YJU2B: variants seen among roughly 807,000 people sequenced by gnomAD.
YJU2B encodes the protein YJU2 splicing factor homolog B, also known as probable splicing factor YJU2B.
A neutral mutation model predicts 38.0 loss-of-function variants in YJU2B; 18 were observed. The ratio of observed to expected loss-of-function variants is 0.47; its 90% confidence interval spans 0.33 to 0.70. The LOEUF is 0.70. Among genes scored for constraint, YJU2B ranks in the 30% least tolerant of loss-of-function variants. YJU2B has a pLI of 0.02. For missense variants in YJU2B, 538 were observed against 556.3 expected, an observed-to-expected ratio of 0.97 and a Z score of 0.33; for synonymous variants, 246 against 225.4, an observed-to-expected ratio of 1.09 and a Z score of -0.82.
chr19:13,742,438 C>T (rs1457565914), intron 2 of YJU2B, among the ~76,000 whole-genome samples: 1 of 151,946 alleles, frequency 6.6e-6, no homozygotes, highest in Non-Finnish European at 1.5e-5. Flanking sequence ...AAGTAGCTGG[C>T]ATTACAAGTC....
At chr19:13,756,354 C>T in intron 4 of YJU2B, 75 bp downstream of exon 4, 3 of 1,183,022 alleles carry the variant, frequency 2.5e-6, no homozygotes, top group African/African-American at 1.5e-5. Context: ...TCAGTGCCCT[C>T]ATTGGCCCAG....
chr19:13,756,888 A>G (rs444870), intron 4 of YJU2B, among the ~76,000 whole-genome samples: 50,015 of 150,904 alleles, frequency 0.33, 8,496 homozygotes, highest in East Asian at 0.48. Context: ...GAGGCAGGAG[A>G]ATCACTTGAA....
intron 1 of YJU2B, among the ~76,000 whole-genome samples, chr19:13,750,254 G>A (rs975415480): frequency 6.6e-5 from 10 of 152,134 alleles, no homozygotes; most frequent in African/African-American, 2.4e-4. Flanking sequence ...TTGAGACGGA[G>A]TCTCACTTTG....
Position 13,762,316 on chromosome 19 carries a change from C to G in YJU2B, c.591C>G (p.Ile197Met). ...RRRFREKKKAIQEEEERDQAL... is the reference protein window; with the variant it reads ...RRRFREKKKAMQEEEERDQAL... ...CAACACAGGAAAAGAAAAAAGCCAT[C>G]CAGGAGGAGGAGGAGAGAGACCAGG... The change falls in exon 9 of 10, where the codon ATC becomes ATG. Residue 197 changes from isoleucine (I) to methionine (M), a missense_variant. Ile to Met is a conservative substitution (Grantham distance 10). Around this residue, in one of 2 missense-constraint regions of YJU2B, gnomAD observed 488 missense variants for 469.5 expected, o/e 1.04. Coordinates refer to ENST00000221554, the MANE Select transcript of YJU2B (RefSeq NM_030818.4). 1 of 1,613,638 alleles carries G rather than the reference C, an allele frequency of 6.2e-7. No homozygotes were observed. Among genetic ancestry groups the G allele is most frequent in the Non-Finnish European group, 8.5e-7 (1 of 1,179,972 alleles).
chr19:13,762,988 G>A lies in YJU2B; in HGVS notation c.1111G>A (p.Ala371Thr), dbSNP rs1289434622. 1.2e-6 allele frequency: 2 copies of A among 1,609,394 alleles called. No individual in the cohort carries two copies. The highest frequency in any genetic ancestry group is 1.1e-5 in the South Asian group (1 of 90,798). The change falls in exon 10 of 10, where the codon GCT becomes ACT. Residue 371 changes from alanine to threonine, a missense_variant. Physicochemically the swap from Ala to Thr is moderately conservative, Grantham distance 58 (BLOSUM62 0). This residue lies in a region of YJU2B where 488 missense variants were observed against 469.5 expected (regional missense o/e 1.04). Transcript: ENST00000221554. Reference sequence around the variant, plus strand: ...GCCAGCAGGCTCCTCCCAGGAGGCAGCTGACACCCCCGACACGCGGCACCC... The same window carrying A: ...GCCAGCAGGCTCCTCCCAGGAGGCAACTGACACCCCCGACACGCGGCACCC... ...LSPAGSSQEA[A>T]DTPDTRHPCS...
chr19:13,743,488 G>A (rs540488036), upstream of YJU2B, among the ~76,000 whole-genome samples: 3 of 150,592 alleles, frequency 2.0e-5, no homozygotes, highest in African/African-American at 4.9e-5. Flanking sequence ...GCTGAGGCAG[G>A]AGAATCGCTT....
At chr19:13,751,155 C>T (rs531565590) in intron 1 of YJU2B, among the ~76,000 whole-genome samples, 1 of 152,218 alleles carries the variant, frequency 6.6e-6, no homozygotes, top group African/African-American at 2.4e-5. Context: ...TGGTGGCTCA[C>T]ACCTGTAATG....
rs60385996 is a variant in YJU2B, at chr19:13,736,254, CTTTTT to C, written c.-202+3987_-202+3991del. On this transcript the variant is annotated intron_variant, in intron 2 of 10. Coordinates refer to the YJU2B transcript ENST00000586600. ...AGCATCCACCTGCTTTTCTTTCTTT[CTTTTT>C]TTTTTTTTTTTTTTTTTGTGACGGA... is the stretch of plus-strand genomic sequence containing the variant. Among the ~76,000 whole-genome samples, 377 of 104,236 alleles carry C rather than the reference CTTTTT, an allele frequency of 3.6e-3. 1 individual carries two copies. The highest frequency in any genetic ancestry group is 0.011 in the African/African-American group (271 of 25,602). 68.4% of individuals were successfully genotyped at this position (104,236 alleles called of 152,430 possible). A position where few individuals can be genotyped will look rare whatever the true frequency, so the allele number is the denominator to read the frequency against.
intron 2 of YJU2B, among the ~76,000 whole-genome samples, chr19:13,742,328 G>A (rs993628285): frequency 2.1e-4 from 25 of 119,668 alleles, no homozygotes; most frequent in African/African-American, 7.2e-4. Flanking sequence ...TTTTTGAGAC[G>A]GAGTCTCACT....
intron 3 of YJU2B, among the ~76,000 whole-genome samples, chr19:13,754,617 A>G (rs998174525): frequency 2.0e-5 from 3 of 152,142 alleles, no homozygotes; most frequent in Middle Eastern, 3.4e-3. Context: ...GTCAGATCCC[A>G]TGGCTTCCCC....
chr19:13,762,708 G>T lies in YJU2B; in HGVS notation c.831G>T (p.Gln277His), dbSNP rs775337264. 6.2e-7 allele frequency: 1 copy of T among 1,606,386 alleles called. No individual in the cohort carries two copies. Among genetic ancestry groups the T allele is most frequent in the Non-Finnish European group, 8.5e-7 (1 of 1,179,556 alleles). Reference protein sequence around the residue: ...KVSGVLKKLAQSRRTALATSP... With the variant: ...KVSGVLKKLAHSRRTALATSP... The stretch of plus-strand genomic sequence containing the variant: ...GCGGCGTCCTGAAGAAGCTGGCACA[G>T]AGCCGCAGAACCGCGCTTGCCACCT... Residue 277 changes from glutamine to histidine, a missense_variant, in exon 10 of 10, where the codon CAG becomes CAT. Gln to His is a conservative substitution (Grantham distance 24). Coordinates refer to ENST00000221554, the MANE Select transcript of YJU2B (RefSeq NM_030818.4).
chr19:13,761,226 A>G (rs1973874869), intron 8 of YJU2B, among the ~76,000 whole-genome samples: 1 of 150,386 alleles, frequency 6.6e-6, no homozygotes, highest in Non-Finnish European at 1.5e-5. Flanking sequence ...AAAAATGCAA[A>G]AAAAAATTAG....
intron 2 of YJU2B, among the ~76,000 whole-genome samples, chr19:13,741,161 T>A (rs1421569599): frequency 6.7e-6 from 1 of 149,032 alleles, no homozygotes; most frequent in Non-Finnish European, 1.5e-5. Context: ...CTTTTTTTTT[T>A]TTTTTTTTTT....
At chr19:13,759,050 T>C in intron 7 of YJU2B, 40 bp downstream of exon 7, 1 of 1,611,938 alleles carries the variant, frequency 6.2e-7, no homozygotes, top group Non-Finnish European at 8.5e-7. Flanking sequence ...GCCCTGGCCC[T>C]GAGTCTGCGC....
At chr19:13,743,456 T>A (rs775846006), upstream of YJU2B, among the ~76,000 whole-genome samples, 211 of 148,928 alleles carry the variant, frequency 1.4e-3, no homozygotes, top group Non-Finnish European at 1.6e-3. Context: ...GGCACATGCC[T>A]GTGATCCTTG....
intron 2 of YJU2B, among the ~76,000 whole-genome samples, chr19:13,736,167 C>T (rs1225215145): frequency 6.6e-6 from 1 of 151,514 alleles, no homozygotes; most frequent in Non-Finnish European, 1.5e-5. Context: ...ATCATTAGTT[C>T]TTCTGACCTG....
chr19:13,759,165 C>A lies in YJU2B; in HGVS notation c.466C>A (p.Arg156Ser). 6.2e-7 allele frequency: 1 copy of A among 1,613,460 alleles called. No individual in the cohort carries two copies. The highest frequency in any genetic ancestry group is 2.2e-5 in the East Asian group (1 of 44,844). Residue 156 changes from arginine (R) to serine (S), a missense_variant, in exon 8 of 10, where the codon CGC becomes AGC. Around this residue, in one of 2 missense-constraint regions of YJU2B, gnomAD observed 488 missense variants for 469.5 expected, o/e 1.04. Transcript: ENST00000221554. The part of the protein sequence containing the change: ...MFRLEHGEAD[R>S]STLKKALPTL... ...CCGGCTGGAGCATGGCGAGGCCGACCGCAGCACACTCAAGAAGGCGCTGCC... is the reference window on the plus strand; with the variant it reads ...CCGGCTGGAGCATGGCGAGGCCGACAGCAGCACACTCAAGAAGGCGCTGCC...
Position 13,758,886 on chromosome 19 carries a change from C to A in YJU2B, c.276C>A (p.His92Gln), listed in dbSNP as rs146050842. Residue 92 changes from histidine (H) to glutamine (Q), a missense_variant, in exon 7 of 10, where the codon CAC becomes CAA. His to Gln is a conservative substitution (Grantham distance 24). Transcript: ENST00000221554. ...CTCCCAGGTTCCGGATGAAATGCCA[C>A]CTCTGTGTCAACTACATCGAGATGC... is the stretch of plus-strand genomic sequence containing the variant. ...TPIYRFRMKC[H>Q]LCVNYIEMQT... 5.0e-6 allele frequency: 8 copies of A among 1,613,882 alleles called. No individual in the cohort carries two copies. The highest frequency in any genetic ancestry group is 6.8e-6 in the Non-Finnish European group (8 of 1,180,000).
At chr19:13,758,191 G>T (rs1011629830) in intron 6 of YJU2B, among the ~76,000 whole-genome samples, 1 of 152,168 alleles carries the variant, frequency 6.6e-6, no homozygotes, top group Admixed American at 6.6e-5. Context: ...CTCTTCCCCA[G>T]GTAGCTCCAA....
Sources: gnomAD v4.1 joint callset for allele counts (sites outside exome capture counted in the v4.1 genomes callset) on GRCh38, gnomAD v4.1.1 for gene constraint, gnomAD v4.1.1 regional missense constraint, MANE v1.5 for transcripts, NCBI Gene and HGNC (gene_info 2026-07-23, HGNC 2026-07-21) for gene names.